Variants in HPSE2 observed in about 807,000 individuals in gnomAD.
HPSE2 encodes inactive heparanase-2.
In HPSE2, 38 loss-of-function variants were observed where a neutral mutation model predicts 60.5. The observed-to-expected ratio is 0.63, with a 90% CI of 0.48 to 0.82. The LOEUF (loss-of-function observed/expected upper bound fraction) is 0.82, where lower values mean the gene tolerates loss of function less well. Among genes scored for constraint, HPSE2 ranks in the 40% least tolerant of loss-of-function variants. The pLI is 0.00. For synonymous variants in HPSE2, 295 were observed against 293.2 expected (o/e 1.01, Z -0.06); for missense variants, 713 against 740.4 (o/e 0.96, Z 0.43).
At chr10:99,129,797 T>A (rs1845308192) in intron 3 of HPSE2, among the ~76,000 whole-genome samples, 3 of 123,056 alleles carry the variant, frequency 2.4e-5, no homozygotes, top group African/African-American at 2.7e-5. Context: ...AAGAATTACA[T>A]GAAATTGAAA....
intron 9 of HPSE2, among the ~76,000 whole-genome samples, chr10:98,501,746 A>G (rs1942035070): frequency 1.3e-5 from 2 of 152,176 alleles, no homozygotes; most frequent in African/African-American, 4.8e-5. Context: ...GGTAAACAGG[A>G]AGTCAAACTG....
chr10:98,569,104 C>T lies in HPSE2; in HGVS notation c.1320+45800G>A, dbSNP rs557143162. Among the ~76,000 whole-genome samples the T allele has an allele frequency of 2.0e-4, 30 of 149,240 alleles. No homozygotes were observed. In the South Asian group the frequency reaches 6.1e-3, roughly 31 times the overall value. On this transcript the variant is annotated intron_variant, in intron 9 of 11. Transcript: ENST00000370552. ...TTGAAATGGAGTTTTTTACTTGTCGCCCAGGCTGGAGTGCAATGGCTCGAT... is the reference window on the plus strand; with the variant it reads ...TTGAAATGGAGTTTTTTACTTGTCGTCCAGGCTGGAGTGCAATGGCTCGAT...
intron 3 of HPSE2, among the ~76,000 whole-genome samples, chr10:99,017,773 A>C (rs1957175585): frequency 6.6e-6 from 1 of 152,150 alleles, no homozygotes; most frequent in Non-Finnish European, 1.5e-5. Flanking sequence ...TCTTTCTTCA[A>C]AAGAATATTA....
chr10:98,737,743 A>AGTT (rs1949394401), intron 4 of HPSE2, among the ~76,000 whole-genome samples: 4 of 152,174 alleles, frequency 2.6e-5, no homozygotes. Flanking sequence ...AAAGAGAAAA[A>AGTT]ACCACCTAGG....
rs34748475 is a variant in HPSE2, at chr10:98,630,183, GT to G, written c.1099-9476del. On this transcript the variant is annotated intron_variant, in intron 7 of 11. Coordinates refer to ENST00000370552, the MANE Select transcript of HPSE2 (RefSeq NM_021828.5). ...TACTTTTCAACTACACGAAGCAATCGTTTTTTTTTTTGTTTTTTTTTTTTTT... is the reference window on the plus strand; with the variant it reads ...TACTTTTCAACTACACGAAGCAATCGTTTTTTTTTTGTTTTTTTTTTTTTT... 1.2e-3 allele frequency among the ~76,000 whole-genome samples: 150 copies of G among 129,890 alleles called. 1 individual carries two copies. The highest frequency in any genetic ancestry group is 4.8e-3 in the South Asian group (20 of 4,156). 85.2% of individuals were successfully genotyped at this position (129,890 alleles called of 152,430 possible).
chr10:99,144,378 G>T lies in HPSE2; in HGVS notation c.470C>A (p.Ala157Asp). ...YEDDIVRSDV[A>D]LDKQKGCKIA... ...CTTGCAGCCTTTCTGTTTATCTAAG[G>T]CAACATCACTTCGAACAATGTCTAC... The change falls in exon 3 of 12, where the codon GCC (alanine) becomes GAC (aspartate). Residue 157 changes from alanine (A) to aspartate (D), a missense_variant. Coordinates refer to ENST00000370552, the MANE Select transcript of HPSE2 (RefSeq NM_021828.5). The T allele has an allele frequency of 6.2e-7, 1 of 1,613,776 alleles. No homozygotes were observed. The highest frequency in any genetic ancestry group is 8.5e-7 in the Non-Finnish European group (1 of 1,179,986).
chr10:99,235,419 A>G, intron 1 of HPSE2, 94 bp downstream of exon 1: 1 of 1,188,528 alleles, frequency 8.4e-7, no homozygotes, highest in Non-Finnish European at 1.3e-6. Flanking sequence ...TGCTTGGCTT[A>G]TTTTCTTCTT....
rs111710198 is a variant in HPSE2, at chr10:98,780,532, T to C, written c.611-36476A>G. Among the ~76,000 whole-genome samples the C allele has an allele frequency of 8.9e-3, 1,350 of 152,272 alleles. 27 individuals are homozygous for C. Among genetic ancestry groups the C allele is most frequent in the African/African-American group, 0.031 (1,292 of 41,568 alleles). ...GGACAATTAAAAATCAATAGCAGTT[T>C]TGTTTGAGAACTTTCATTCCAACTA... On this transcript the variant is annotated intron_variant, in intron 3 of 11. Coordinates refer to ENST00000370552, the MANE Select transcript of HPSE2 (RefSeq NM_021828.5).
At chr10:98,990,021 G>A (rs1401899906) in intron 3 of HPSE2, among the ~76,000 whole-genome samples, 2 of 152,152 alleles carry the variant, frequency 1.3e-5, no homozygotes, top group African/African-American at 2.4e-5. Flanking sequence ...GTGTTAGAAA[G>A]AGGCGCAAAC....
chr10:98,688,288 C>T (rs1947969898), intron 6 of HPSE2, among the ~76,000 whole-genome samples: 1 of 151,480 alleles, frequency 6.6e-6, no homozygotes, highest in Admixed American at 6.6e-5. Flanking sequence ...GTTATCAACC[C>T]CATAATACAA....
chr10:98,458,927 G>C lies in HPSE2; in HGVS notation c.*647C>G, dbSNP rs755808531. 3 of 156,362 alleles carry C rather than the reference G, an allele frequency of 1.9e-5. No individual in the cohort carries two copies. In the South Asian group the frequency reaches 5.8e-4, roughly 30 times the overall value. 9.7% of individuals were successfully genotyped at this position (156,362 alleles called of 1,614,324 possible). On this transcript the variant is annotated 3_prime_UTR_variant, in exon 12 of 12. Transcript: ENST00000370552. Reference sequence around the variant, plus strand: ...TTGTAATTTTACTTTTGAAGCACCCGCTTCCCAGAAGAACTGCCAGTGATG... The same window carrying C: ...TTGTAATTTTACTTTTGAAGCACCCCCTTCCCAGAAGAACTGCCAGTGATG...
chr10:99,089,418 G>A (rs189704204), intron 3 of HPSE2, among the ~76,000 whole-genome samples: 14 of 152,206 alleles, frequency 9.2e-5, no homozygotes, highest in Admixed American at 6.5e-4. Flanking sequence ...AGCACCATTT[G>A]TTGAACAGGG....
intron 3 of HPSE2, among the ~76,000 whole-genome samples, chr10:98,750,420 C>G (rs1949732622): frequency 6.6e-6 from 1 of 152,028 alleles, no homozygotes; most frequent in Non-Finnish European, 1.5e-5. Flanking sequence ...TGAATATGAC[C>G]CAACTCACAC....
At chr10:98,649,131 TG>T (rs1002470074) in intron 6 of HPSE2, among the ~76,000 whole-genome samples, 3 of 152,130 alleles carry the variant, frequency 2.0e-5, no homozygotes, top group African/African-American at 7.2e-5. Flanking sequence ...AAAAACTCAG[TG>T]TTTGTAAATT....
At chr10:99,048,366 GAA>G (rs879182137) in intron 3 of HPSE2, 138 of 179,686 alleles carry the variant, frequency 7.7e-4, no homozygotes, top group South Asian at 1.6e-3. Context: ...CTCTCAAACT[GAA>G]AAAAAAAAAA....
chr10:99,133,325 A>C (rs11189986), intron 3 of HPSE2, among the ~76,000 whole-genome samples: 74,957 of 152,036 alleles, frequency 0.49, 20,950 homozygotes, highest in East Asian at 0.65. Context: ...CGCAAACTTA[A>C]ATGTCCCTGC....
intron 3 of HPSE2, among the ~76,000 whole-genome samples, chr10:98,833,889 C>T (rs994578): frequency 0.85 from 129,741 of 152,092 alleles, 55,729 homozygotes; most frequent in African/African-American, 0.95. Flanking sequence ...TTTCAGATGA[C>T]ATAACAAAAT....
intron 2 of HPSE2, among the ~76,000 whole-genome samples, chr10:99,229,172 C>T (rs190807848): frequency 7.0e-5 from 10 of 141,972 alleles, no homozygotes; most frequent in Admixed American, 3.5e-4. Flanking sequence ...GACTCCATAT[C>T]GAAAAAAAAA....
At chr10:99,291,558 T>G in the HPSE2 span, among the ~76,000 whole-genome samples, 1 of 136,424 alleles carries the variant, frequency 7.3e-6, no homozygotes, top group African/African-American at 2.8e-5. Context: ...CACTCCAGCC[T>G]GGTGACAAAG....
Sources: gnomAD v4.1 joint callset for allele counts (sites outside exome capture counted in the v4.1 genomes callset) on GRCh38, gnomAD v4.1.1 for gene constraint, MANE v1.5 for transcripts, NCBI Gene and HGNC (gene_info 2026-07-23, HGNC 2026-07-21) for gene names.